Variants in ADCY5 observed in about 807,000 individuals in gnomAD.
ADCY5 encodes adenylate cyclase type 5.
ADCY5 carries 30 observed loss-of-function variants against 119.7 expected under a neutral mutation model. That is an observed-to-expected ratio of 0.25 (90% CI 0.19 to 0.34). The LOEUF is 0.34. ADCY5 is among the 10% of genes least tolerant of loss of function. The pLI is 1.00. For synonymous variants in ADCY5, 753 were observed against 762.2 expected, an observed-to-expected ratio of 0.99 and a Z score of 0.20; for missense variants, 1,324 against 1,775.2, an observed-to-expected ratio of 0.75 and a Z score of 4.57.
chr3:123,318,115 G>A lies in ADCY5; in HGVS notation c.2259C>T (p.Tyr753=). 1.9e-6 allele frequency: 3 copies of A among 1,612,826 alleles called. No individual in the cohort carries two copies. Among genetic ancestry groups the A allele is most frequent in the South Asian group, 1.1e-5 (1 of 91,026 alleles). ...TFREPDLEKK[Y]SKQVDDRFGA... Reference sequence around the variant, plus strand: ...CAAATCGGTCGTCTACCTGCTTGGAGTACTGAGAGGAGACGGGCAGGGTGA... The same window carrying A: ...CAAATCGGTCGTCTACCTGCTTGGAATACTGAGAGGAGACGGGCAGGGTGA... The change falls in exon 11 of 21, where the codon TAC becomes TAT. Residue 753 remains tyrosine, a splice_region_variant and synonymous_variant. Transcript: ENST00000462833.
At chr3:123,385,980 G>C (rs1037265750) in intron 1 of ADCY5, among the ~76,000 whole-genome samples, 11 of 152,128 alleles carry the variant, frequency 7.2e-5, no homozygotes, top group Admixed American at 7.2e-4. Flanking sequence ...GCTCAGAAAG[G>C]TTCTGACACT....
In ADCY5 at chr3:123,304,153, T is replaced by A. The variant is rs1244822693; in HGVS notation, c.2473A>T (p.Arg825Trp). 16 of 1,421,614 alleles carry A rather than the reference T, an allele frequency of 1.1e-5. No individual in the cohort carries two copies. Among genetic ancestry groups the A allele is most frequent in the Non-Finnish European group, 1.4e-5 (15 of 1,069,100 alleles). 88.1% of individuals were successfully genotyped at this position (1,421,614 alleles called of 1,614,324 possible). The change falls in exon 13 of 21, where the codon AGG (arginine) becomes TGG (tryptophan). Residue 825 changes from arginine (R) to tryptophan (W), a missense_variant. This residue lies in a region of ADCY5 where 424 missense variants were observed against 546.8 expected (regional missense o/e 0.78). Transcript: ENST00000462833. Reference sequence around the variant, plus strand: ...TTCATCTTGGACCGCACGATCTTCCTGGAGAGGGTCTGCAGTGGGGAGGGG... The same window carrying A: ...TTCATCTTGGACCGCACGATCTTCCAGGAGAGGGTCTGCAGTGGGGAGGGG... ...LFPSPLQTLSRKIVRSKMNST... is the reference protein window; with the variant it reads ...LFPSPLQTLSWKIVRSKMNST...
chr3:123,436,876 C>A (rs373010540), intron 1 of ADCY5, among the ~76,000 whole-genome samples: 4 of 152,180 alleles, frequency 2.6e-5, no homozygotes, highest in Non-Finnish European at 5.9e-5. Flanking sequence ...GAGGTCTGCA[C>A]TTCATATGCA....
At chr3:123,291,718 C>T (rs377406920) in intron 17 of ADCY5, among the ~76,000 whole-genome samples, 9 of 152,198 alleles carry the variant, frequency 5.9e-5, no homozygotes, top group Non-Finnish European at 8.8e-5. Flanking sequence ...AAGGCCAGAA[C>T]CAGGCTGGAA....
intron 1 of ADCY5, among the ~76,000 whole-genome samples, chr3:123,423,736 C>T (rs1204195790): frequency 6.6e-6 from 1 of 152,164 alleles, no homozygotes; most frequent in Non-Finnish European, 1.5e-5. Flanking sequence ...GAATCCAGTC[C>T]CAGGAGCACA....
At chr3:123,359,294 T>C (rs1027713516) in intron 1 of ADCY5, among the ~76,000 whole-genome samples, 4 of 142,902 alleles carry the variant, frequency 2.8e-5, no homozygotes, top group African/African-American at 7.9e-5. Flanking sequence ...TTAGTATAAG[T>C]AGGTTCCAGG....
chr3:123,426,054 T>A (rs1232572512), intron 1 of ADCY5, among the ~76,000 whole-genome samples: 1 of 152,214 alleles, frequency 6.6e-6, no homozygotes. Context: ...GAGGGCTTTG[T>A]ACAGTCCCTG....
intron 1 of ADCY5, among the ~76,000 whole-genome samples, chr3:123,386,582 T>G (rs1944233147): frequency 6.6e-6 from 1 of 152,336 alleles, no homozygotes; most frequent in Admixed American, 6.5e-5. Flanking sequence ...AAAAGAGTCC[T>G]GGTTTTGCTG....
chr3:123,394,971 G>A (rs923878454), intron 1 of ADCY5, among the ~76,000 whole-genome samples: 2 of 152,186 alleles, frequency 1.3e-5, no homozygotes, highest in African/African-American at 4.8e-5. Context: ...ACACAGAATG[G>A]CCCATTCCTC....
Position 123,319,543 on chromosome 3 carries a change from T to G in ADCY5, c.2256+131A>C. ...TCGCATCTCTCTAGGTAGTGCAGCA[T>G]CAGAGCTGGGGAAACTGAGGCCACC... On this transcript the variant is annotated intron_variant, in intron 10 of 20. Transcript: ENST00000462833. The G allele has an allele frequency of 2.6e-6, 3 of 1,137,026 alleles. No individual in the cohort carries two copies. The East Asian group carries it at 7.7e-5, about 29-fold the overall frequency. 70.4% of individuals were successfully genotyped at this position (1,137,026 alleles called of 1,614,324 possible). A position where few individuals can be genotyped will look rare whatever the true frequency, so the allele number is the denominator to read the frequency against.
chr3:123,372,710 C>G (rs1266751611), intron 1 of ADCY5, among the ~76,000 whole-genome samples: 1 of 152,184 alleles, frequency 6.6e-6, no homozygotes, highest in Non-Finnish European at 1.5e-5. Flanking sequence ...AGGCTGGCAA[C>G]AGGATCATTC....
chr3:123,366,964 G>C (rs1377009863), intron 1 of ADCY5, among the ~76,000 whole-genome samples: 1 of 152,230 alleles, frequency 6.6e-6, no homozygotes, highest in Non-Finnish European at 1.5e-5. Flanking sequence ...AAATGGAGAT[G>C]CTACTTAGAA....
chr3:123,446,531 AG>A (rs943657488), intron 1 of ADCY5, among the ~76,000 whole-genome samples: 3 of 152,204 alleles, frequency 2.0e-5, no homozygotes, highest in Admixed American at 6.5e-5. Context: ...TATGGATGGC[AG>A]GGGGGCTCCT....
intron 1 of ADCY5, among the ~76,000 whole-genome samples, chr3:123,364,935 CTTT>C (rs376085783): frequency 1.5e-5 from 2 of 137,132 alleles, no homozygotes; most frequent in Admixed American, 7.3e-5. Context: ...GTGTTTTTCA[CTTT>C]TTTTTTTTTT....
At chr3:123,409,687 T>C (rs1360511633) in intron 1 of ADCY5, among the ~76,000 whole-genome samples, 1 of 152,178 alleles carries the variant, frequency 6.6e-6, no homozygotes, top group African/African-American at 2.4e-5. Context: ...TCAGAAACTC[T>C]GGGAGCCCAG....
rs147626442 is a variant in ADCY5, at chr3:123,332,546, C to T, written c.1518+18G>A. On this transcript the variant is annotated intron_variant, in intron 4 of 20. Transcript: ENST00000462833. ...GCCCAGGTCAGGCCACCCCAACCCC[C>T]GGCTCAGGGTGACTCACTGCGGCCA... is the stretch of plus-strand genomic sequence containing the variant. 4.2e-5 allele frequency: 67 copies of T among 1,588,648 alleles called. No individual in the cohort carries two copies. The Admixed American group carries it at 6.7e-4, about 16-fold the overall frequency.
intron 1 of ADCY5, among the ~76,000 whole-genome samples, chr3:123,419,986 A>G (rs1368708036): frequency 6.6e-6 from 1 of 151,338 alleles, no homozygotes; most frequent in African/African-American, 2.4e-5. Context: ...AGCCTGCACC[A>G]TCCTCATCAC....
At chr3:123,383,959 T>TGC (rs1368852423) in intron 1 of ADCY5, among the ~76,000 whole-genome samples, 3 of 110,926 alleles carry the variant, frequency 2.7e-5, no homozygotes, top group African/African-American at 4.2e-5. Flanking sequence ...GCAAGGCACG[T>TGC]GCGCGCGCGC....
chr3:123,382,354 G>A (rs1944060287), intron 1 of ADCY5, among the ~76,000 whole-genome samples: 1 of 137,368 alleles, frequency 7.3e-6, no homozygotes, highest in Admixed American at 7.2e-5. Context: ...GTGGAAAACA[G>A]TATGGTGGTT....
Sources: gnomAD v4.1 joint callset for allele counts (sites outside exome capture counted in the v4.1 genomes callset) on GRCh38, gnomAD v4.1.1 for gene constraint, gnomAD v4.1.1 regional missense constraint, MANE v1.5 for transcripts, NCBI Gene and HGNC (gene_info 2026-07-23, HGNC 2026-07-21) for gene names.